Variants in ITGB6 observed in about 807,000 individuals in gnomAD.
The protein encoded by ITGB6 is integrin beta-6.
Under a neutral mutation model 84.5 loss-of-function variants are expected in ITGB6, and 80 were observed. That is an observed-to-expected ratio of 0.95 (90% CI 0.79 to 1.14). ITGB6 has a LOEUF of 1.14. Ranked by LOEUF, ITGB6 falls within the 50% of genes most tolerant of loss-of-function variation. The pLI is 0.00. For missense variants in ITGB6, 1,006 were observed against 968.0 expected (o/e 1.04, Z -0.52); for synonymous variants, 383 against 354.9 (o/e 1.08, Z -0.89).
intron 7 of ITGB6, among the ~76,000 whole-genome samples, chr2:160,147,107 A>AAAAGG (rs1374227971): frequency 1.2e-3 from 176 of 151,572 alleles, no homozygotes; most frequent in African/African-American, 4.1e-3. Context: ...AAAAAGAAAG[A>AAAAGG]AAAGGAAAGG....
intron 4 of ITGB6, among the ~76,000 whole-genome samples, chr2:160,186,586 A>T (rs1485861179): frequency 6.6e-6 from 1 of 152,172 alleles, no homozygotes; most frequent in Non-Finnish European, 1.5e-5. Context: ...AACCAGAAAT[A>T]CCACTTGACT....
rs565115062 is a variant in ITGB6 at position 160,191,945 on chromosome 2, A to T, written c.593+3424T>A. Among the ~76,000 whole-genome samples the T allele has an allele frequency of 1.1e-4, 16 of 152,332 alleles. No homozygotes were observed. The South Asian group carries it at 3.3e-3, about 32-fold the overall frequency. On this transcript the variant is annotated intron_variant, in intron 4 of 14. Transcript: ENST00000283249. ...AAACATGTGCAAGATATCTACCCTGAAAATGACAAAACATTGCTCTGAGAA... is the reference window on the plus strand; with the variant it reads ...AAACATGTGCAAGATATCTACCCTGTAAATGACAAAACATTGCTCTGAGAA...
intron 13 of ITGB6, among the ~76,000 whole-genome samples, chr2:160,111,514 C>A (rs1682512695): frequency 6.6e-6 from 1 of 151,704 alleles, no homozygotes. Flanking sequence ...GGGCACTCGG[C>A]ATACCTGAGC....
intron 10 of ITGB6, among the ~76,000 whole-genome samples, chr2:160,136,378 G>A (rs62177940): frequency 0.19 from 29,325 of 150,948 alleles, 3,036 homozygotes; most frequent in Admixed American, 0.31. Flanking sequence ...TTAGAATGGC[G>A]ATCATTAAAA....
chr2:160,181,962 T>A (rs983862636), intron 4 of ITGB6, among the ~76,000 whole-genome samples: 4 of 151,892 alleles, frequency 2.6e-5, no homozygotes, highest in African/African-American at 9.7e-5. Context: ...AAAAAGGACG[T>A]CCACACAAAA....
intron 12 of ITGB6, 59 bp downstream of exon 12, chr2:160,123,732 G>T: frequency 1.5e-6 from 2 of 1,302,912 alleles, no homozygotes; most frequent in South Asian, 1.2e-5. Context: ...AGAGGGTCAA[G>T]AACTACGCCT....
At chr2:160,165,186 A>G (rs1684958986) in intron 7 of ITGB6, among the ~76,000 whole-genome samples, 1 of 152,226 alleles carries the variant, frequency 6.6e-6, no homozygotes, top group Non-Finnish European at 1.5e-5. Context: ...CTACAGAATG[A>G]GATTGATAGG....
At chr2:160,147,107 AAAAGG>A (rs1374227971) in intron 7 of ITGB6, among the ~76,000 whole-genome samples, 20 of 151,574 alleles carry the variant, frequency 1.3e-4, no homozygotes, top group African/African-American at 3.6e-4. Context: ...AAAAAGAAAG[AAAAGG>A]AAAGGAAAGG....
chr2:160,119,025 C>T (rs959727083), intron 12 of ITGB6, among the ~76,000 whole-genome samples: 3 of 152,016 alleles, frequency 2.0e-5, no homozygotes, highest in Non-Finnish European at 4.4e-5. Flanking sequence ...AGGATACAAA[C>T]AAATGGAAGA....
chr2:160,101,916 GGA>G lies in ITGB6; in HGVS notation c.2269-84_2269-83del, dbSNP rs1221056926. The G allele has an allele frequency of 8.1e-5, 61 of 749,136 alleles. No individual in the cohort carries two copies. The African/African-American group carries it at 8.4e-4, about 10-fold the overall frequency. 46.4% of individuals were successfully genotyped at this position (749,136 alleles called of 1,614,324 possible). On this transcript the variant is annotated intron_variant, in intron 14 of 14. Transcript: ENST00000283249. ...TTAATACGTAGTGCAAATTGGAAGA[GGA>G]GAGTCAAGCTCAGTCTTGGAAACCA... is the stretch of plus-strand genomic sequence containing the variant.
intron 7 of ITGB6, among the ~76,000 whole-genome samples, 200 bp downstream of exon 7, chr2:160,169,012 C>G (rs1041004113): frequency 6.6e-6 from 1 of 152,166 alleles, no homozygotes; most frequent in Non-Finnish European, 1.5e-5. Context: ...CTTATTAGTT[C>G]CCCATGCCCT....
intron 8 of ITGB6, among the ~76,000 whole-genome samples, chr2:160,139,880 A>G (rs113862385): frequency 0.022 from 3,409 of 152,276 alleles, 126 homozygotes; most frequent in African/African-American, 0.079. Flanking sequence ...CGGGGAAGAA[A>G]GAAAATTAGT....
intron 7 of ITGB6, among the ~76,000 whole-genome samples, chr2:160,151,256 C>A (rs1286611377): frequency 1.3e-5 from 2 of 152,238 alleles, no homozygotes; most frequent in Admixed American, 6.5e-5. Context: ...TCTCATACCA[C>A]AGTGCAATAA....
rs192649370 is a variant in ITGB6, at chr2:160,137,447, C to T, written c.1647G>A (p.Gly549=). Residue 549 remains glycine, a synonymous_variant, in exon 10 of 15, where the codon GGG becomes GGA. Coordinates refer to ENST00000283249, the MANE Select transcript of ITGB6 (RefSeq NM_000888.5). ...CDNFSCVRHK[G]LLCGGNGDCD... ...AACATAGCCTACCTCCGCAGAGCAG[C>T]CCTTTGTGTCTCACGCAGGAGAAAT... The T allele has an allele frequency of 2.5e-6, 4 of 1,610,132 alleles. No homozygotes were observed. Among genetic ancestry groups the T allele is most frequent in the East Asian group, 2.2e-5 (1 of 44,780 alleles).
At chr2:160,186,967 G>A (rs1204954453) in intron 4 of ITGB6, among the ~76,000 whole-genome samples, 1 of 151,880 alleles carries the variant, frequency 6.6e-6, no homozygotes, top group South Asian at 2.1e-4. Flanking sequence ...CCTGTCGGGG[G>A]GGTGGGAGGC....
chr2:160,145,070 C>T (rs374122099), intron 7 of ITGB6, among the ~76,000 whole-genome samples: 15 of 152,312 alleles, frequency 9.8e-5, no homozygotes, highest in Admixed American at 7.8e-4. Context: ...TATCATGTGT[C>T]AAATGCCTTC....
Position 160,174,018 on chromosome 2 carries a change from G to T in ITGB6, c.715C>A (p.Pro239Thr), listed in dbSNP as rs1574119868. 1 of 1,613,710 alleles carries T rather than the reference G, an allele frequency of 6.2e-7. No individual in the cohort carries two copies. The highest frequency in any genetic ancestry group is 8.5e-7 in the Non-Finnish European group (1 of 1,179,890). Residue 239 changes from proline to threonine, a missense_variant, in exon 5 of 15, where the codon CCC becomes ACC. Physicochemically the swap from Pro to Thr is conservative, Grantham distance 38. Coordinates refer to ENST00000283249, the MANE Select transcript of ITGB6 (RefSeq NM_000888.5). ...ATAATTGCATCAAATCCACCTTCGG[G>T]TGTGTCAATATTAGCAGAAATTTTC... Reference protein sequence around the residue: ...NQKISANIDTPEGGFDAIMQA... With the variant: ...NQKISANIDTTEGGFDAIMQA...
intron 7 of ITGB6, among the ~76,000 whole-genome samples, chr2:160,166,392 G>A (rs1459806194): frequency 3.3e-5 from 5 of 152,126 alleles, no homozygotes; most frequent in Admixed American, 2.6e-4. Flanking sequence ...ATAGCTATAG[G>A]ATATTTTAAA....
chr2:160,171,759 T>C (rs1685215674), intron 6 of ITGB6, among the ~76,000 whole-genome samples: 1 of 152,172 alleles, frequency 6.6e-6, no homozygotes, highest in East Asian at 1.9e-4. Flanking sequence ...AGAAAACATA[T>C]TTCTACATAG....
Sources: gnomAD v4.1 joint callset for allele counts (sites outside exome capture counted in the v4.1 genomes callset) on GRCh38, gnomAD v4.1.1 for gene constraint, MANE v1.5 for transcripts, NCBI Gene and HGNC (gene_info 2026-07-23, HGNC 2026-07-21) for gene names.